CTCF: variants seen among roughly 807,000 people sequenced by gnomAD.
CTCF encodes the protein transcriptional repressor CTCF.
CTCF carries 7 observed loss-of-function variants against 72.3 expected under a neutral mutation model. The observed-to-expected ratio is 0.10, with a 90% CI of 0.06 to 0.18. The LOEUF is 0.18. Ranked by LOEUF, CTCF falls within the 10% of genes least tolerant of loss-of-function variation. The pLI is 1.00. For synonymous variants in CTCF, 374 were observed against 315.8 expected (o/e 1.18, Z -1.95); for missense variants, 516 against 949.1 (o/e 0.54, Z 6.00).
chr16:67,563,382 C>A (rs1007931147), intron 1 of CTCF: 9 of 152,354 alleles, frequency 5.9e-5, no homozygotes, highest in African/African-American at 2.2e-4. Context: ...TCCGTCTCCG[C>A]CGAGTGGCGC....
At chr16:67,592,073 A>G (rs562067816) in intron 2 of CTCF, among the ~76,000 whole-genome samples, 2 of 152,068 alleles carry the variant, frequency 1.3e-5, no homozygotes, top group East Asian at 1.9e-4. Context: ...CATTCTGTAT[A>G]GTGAGAATAC....
chr16:67,608,674 T>G (rs1242628505), intron 2 of CTCF, among the ~76,000 whole-genome samples: 1 of 152,108 alleles, frequency 6.6e-6, no homozygotes, highest in Non-Finnish European at 1.5e-5. Context: ...TGAGGATGGA[T>G]CTCATGATAA....
chr16:67,582,869 T>A (rs1031402407), intron 2 of CTCF, among the ~76,000 whole-genome samples: 2 of 152,074 alleles, frequency 1.3e-5, no homozygotes, highest in African/African-American at 2.4e-5. Context: ...GACATAGAGG[T>A]CTGTCTTAGT....
chr16:67,602,654 C>A (rs1378375419), intron 2 of CTCF, among the ~76,000 whole-genome samples: 2 of 151,912 alleles, frequency 1.3e-5, no homozygotes, highest in Non-Finnish European at 2.9e-5. Flanking sequence ...CCAGCCTGAC[C>A]AACATGGAGA....
intron 10 of CTCF, among the ~76,000 whole-genome samples, chr16:67,634,171 CTTT>C (rs1278937249): frequency 6.6e-6 from 1 of 151,952 alleles, no homozygotes; most frequent in Non-Finnish European, 1.5e-5. Flanking sequence ...TTTAAATGGG[CTTT>C]TGTTTTGTTT....
intron 4 of CTCF, chr16:67,615,490 C>T (rs1009622357): frequency 6.6e-6 from 1 of 152,232 alleles, no homozygotes; most frequent in Admixed American, 6.6e-5. Flanking sequence ...TGGTGCAAGC[C>T]TGTAGTCTCA....
chr16:67,625,847 G>A (rs2052277915), intron 7 of CTCF, among the ~76,000 whole-genome samples: 1 of 112,682 alleles, frequency 8.9e-6, no homozygotes, highest in African/African-American at 3.5e-5. Flanking sequence ...CATACAACTT[G>A]GTCTTAAGCC....
chr16:67,603,120 G>A (rs1242489730), intron 2 of CTCF, among the ~76,000 whole-genome samples: 2 of 152,090 alleles, frequency 1.3e-5, no homozygotes, highest in East Asian at 1.9e-4. Flanking sequence ...AGCTGGGCAC[G>A]ACGGCACATA....
chr16:67,632,757 C>T (rs1342370799), intron 10 of CTCF, among the ~76,000 whole-genome samples: 1 of 152,224 alleles, frequency 6.6e-6, no homozygotes, highest in African/African-American at 2.4e-5. Flanking sequence ...TCGTTCTTGA[C>T]ACACTGCCAC....
intron 2 of CTCF, among the ~76,000 whole-genome samples, chr16:67,592,036 T>TC (rs1045941702): frequency 2.0e-5 from 3 of 152,034 alleles, no homozygotes; most frequent in African/African-American, 7.2e-5. Flanking sequence ...TTGCTTTTTT[T>TC]CCCCTCCTTG....
rs1201164536 is a variant in CTCF at position 67,562,667 on chromosome 16, G to T, written c.-184G>T. ...CGCGCGGAGCTCGCCGGAGACGCCG[G>T]GTGGCCGGAGCCGTGGAGCGGCGGC... On this transcript the variant is annotated 5_prime_UTR_variant, in exon 1 of 12. Transcript: ENST00000264010. 1.3e-5 allele frequency: 2 copies of T among 152,666 alleles called. No homozygotes were observed. Among genetic ancestry groups the T allele is most frequent in the South Asian group, 1.8e-4 (1 of 5,610 alleles). 9.5% of individuals were successfully genotyped at this position (152,666 alleles called of 1,614,324 possible). A position where few individuals can be genotyped will look rare whatever the true frequency, so the allele number is the denominator to read the frequency against.
chr16:67,604,735 T>G (rs1296279218), intron 2 of CTCF, among the ~76,000 whole-genome samples: 2 of 144,060 alleles, frequency 1.4e-5, no homozygotes, highest in Admixed American at 6.7e-5. Context: ...CCAGGGTTTT[T>G]TTTTTTTTTG....
At chr16:67,632,473 A>G (rs2052378490) in intron 10 of CTCF, among the ~76,000 whole-genome samples, 1 of 152,208 alleles carries the variant, frequency 6.6e-6, no homozygotes. Flanking sequence ...AAGGGACGTC[A>G]GCCTGGGCTC....
In CTCF at chr16:67,621,475, C is replaced by T. The variant is rs1319839645; in HGVS notation, c.1241C>T (p.Ala414Val). Reference protein sequence around the residue: ...EKPYECYICHARFTQSGTMKM... With the variant: ...EKPYECYICHVRFTQSGTMKM... ...CCTTATGAATGTTATATTTGTCATG[C>T]TCGGTTTACCCAAAGTGGTACCATG... The change falls in exon 7 of 12, where the codon GCT becomes GTT. Residue 414 changes from alanine (A) to valine (V), a missense_variant. Around this residue, in one of 7 missense-constraint regions of CTCF, gnomAD observed 70 missense variants for 290.1 expected, o/e 0.24. Transcript: ENST00000264010. 1 of 1,610,382 alleles carries T rather than the reference C, an allele frequency of 6.2e-7. No individual in the cohort carries two copies. The highest frequency in any genetic ancestry group is 1.1e-5 in the South Asian group (1 of 90,902).
chr16:67,595,328 T>G (rs1308505048), intron 2 of CTCF, among the ~76,000 whole-genome samples: 2 of 152,158 alleles, frequency 1.3e-5, no homozygotes, highest in East Asian at 3.9e-4. Context: ...TGGCTTGTTC[T>G]GTTTCTTTTT....
chr16:67,587,641 C>T (rs2051685849), intron 2 of CTCF, among the ~76,000 whole-genome samples: 1 of 151,502 alleles, frequency 6.6e-6, no homozygotes, highest in Non-Finnish European at 1.5e-5. Context: ...AAGGCTTACT[C>T]TGCTTGGCAC....
chr16:67,632,227 A>G (rs568577627), intron 10 of CTCF, among the ~76,000 whole-genome samples: 84 of 152,116 alleles, frequency 5.5e-4, no homozygotes, highest in African/African-American at 1.9e-3. Flanking sequence ...CTGCTGCCAG[A>G]CTCTGTCCTA....
At chr16:67,628,790 G>A (rs1172595499) in intron 9 of CTCF, among the ~76,000 whole-genome samples, 1 of 152,360 alleles carries the variant, frequency 6.6e-6, no homozygotes, top group Middle Eastern at 3.4e-3. Flanking sequence ...GCCAGGCGCG[G>A]TGGCTCGCGC....
chr16:67,629,929 C>G (rs749184217), intron 10 of CTCF, among the ~76,000 whole-genome samples: 3 of 151,024 alleles, frequency 2.0e-5, no homozygotes, highest in African/African-American at 7.3e-5. Flanking sequence ...CGCCCACCAC[C>G]AGGCCTGGCT....
Sources: gnomAD v4.1 joint callset for allele counts (sites outside exome capture counted in the v4.1 genomes callset) on GRCh38, gnomAD v4.1.1 for gene constraint, gnomAD v4.1.1 regional missense constraint, MANE v1.5 for transcripts, NCBI Gene and HGNC (gene_info 2026-07-23, HGNC 2026-07-21) for gene names.